The following TNFRSF19 variants were observed in gnomAD, a reference collection of about 807,000 sequenced individuals.
TNFRSF19 encodes tumor necrosis factor receptor superfamily member 19.
A neutral mutation model predicts 46.4 loss-of-function variants in TNFRSF19; 27 were observed. The observed-to-expected ratio is 0.58, with a 90% CI of 0.43 to 0.80. The LOEUF is 0.80. Ranked by LOEUF, TNFRSF19 falls within the 30% of genes least tolerant of loss-of-function variation. TNFRSF19 has a pLI of 0.00. For missense variants in TNFRSF19, 511 were observed against 530.8 expected (o/e 0.96, Z 0.37); for synonymous variants, 204 against 205.0 (o/e 1.00, Z 0.04).
At chr13:23,643,996 T>C (rs1237617797) in intron 5 of TNFRSF19, among the ~76,000 whole-genome samples, 1 of 152,214 alleles carries the variant, frequency 6.6e-6, no homozygotes, top group Admixed American at 6.5e-5. Context: ...AATGAAAGCA[T>C]AGTTATGAAT....
Position 23,626,698 on chromosome 13 carries a change from C to A in TNFRSF19, c.360-9C>A. 1 of 1,613,690 alleles carries A rather than the reference C, an allele frequency of 6.2e-7. No individual in the cohort carries two copies. Among genetic ancestry groups the A allele is most frequent in the Non-Finnish European group, 8.5e-7 (1 of 1,179,744 alleles). ...GAGTTAACAAGGAGTATTTTCCTTT[C>A]TCTTCTAGATTTTATAGGAAGACGA... On this transcript the variant is annotated splice_polypyrimidine_tract_variant and intron_variant, in intron 4 of 9. Transcript: ENST00000248484.
intron 4 of TNFRSF19, among the ~76,000 whole-genome samples, chr13:23,616,437 A>G (rs1430339519): frequency 2.0e-5 from 3 of 152,218 alleles, no homozygotes; most frequent in Admixed American, 6.5e-5. Context: ...AGGGCAGGTT[A>G]CACCATTCAG....
intron 3 of TNFRSF19, among the ~76,000 whole-genome samples, chr13:23,608,123 A>G (rs1247253942): frequency 3.9e-5 from 6 of 152,156 alleles, no homozygotes; most frequent in Admixed American, 1.3e-4. Flanking sequence ...CTTCCTTTCA[A>G]TTATTAGGTA....
intron 1 of TNFRSF19, among the ~76,000 whole-genome samples, chr13:23,571,911 C>A (rs1467699017): frequency 6.6e-6 from 1 of 151,284 alleles, no homozygotes; most frequent in Admixed American, 6.6e-5. Flanking sequence ...TTTATCTGGG[C>A]AAAATATTTA....
chr13:23,609,627 C>T (rs1306605089), intron 3 of TNFRSF19, among the ~76,000 whole-genome samples: 1 of 152,162 alleles, frequency 6.6e-6, no homozygotes, highest in Non-Finnish European at 1.5e-5. Flanking sequence ...ACTTTTCTAA[C>T]CAATTATTGG....
intron 3 of TNFRSF19, among the ~76,000 whole-genome samples, chr13:23,614,037 TA>T (rs1208198718): frequency 6.6e-6 from 1 of 152,244 alleles, no homozygotes; most frequent in Non-Finnish European, 1.5e-5. Flanking sequence ...TAATCCCTGT[TA>T]ACAATTTTAA....
At chr13:23,637,811 G>A (rs967102211) in intron 5 of TNFRSF19, among the ~76,000 whole-genome samples, 2 of 152,366 alleles carry the variant, frequency 1.3e-5, no homozygotes, top group South Asian at 2.1e-4. Context: ...ATCAGGGTCC[G>A]CAGGCTAACA....
intron 5 of TNFRSF19, among the ~76,000 whole-genome samples, chr13:23,640,622 T>C (rs553704272): frequency 4.6e-5 from 7 of 152,362 alleles, no homozygotes; most frequent in Middle Eastern, 3.4e-3. Context: ...GGCCTTTGTC[T>C]TTCCATGTTG....
chr13:23,577,538 C>T (rs1173384570), intron 1 of TNFRSF19, among the ~76,000 whole-genome samples: 1 of 152,152 alleles, frequency 6.6e-6, no homozygotes, highest in East Asian at 1.9e-4. Context: ...TCTTATGATA[C>T]AGGACACAAT....
intron 5 of TNFRSF19, among the ~76,000 whole-genome samples, chr13:23,639,725 C>T (rs892790035): frequency 3.9e-5 from 6 of 152,176 alleles, no homozygotes; most frequent in Admixed American, 1.3e-4. Flanking sequence ...CTGACCCGGC[C>T]CTGGAGGGAG....
intron 1 of TNFRSF19, among the ~76,000 whole-genome samples, chr13:23,580,630 T>G (rs1878344350): frequency 6.6e-6 from 1 of 152,250 alleles, no homozygotes; most frequent in African/African-American, 2.4e-5. Flanking sequence ...CAGGCAGTGC[T>G]TATTATCTAA....
intron 5 of TNFRSF19, among the ~76,000 whole-genome samples, chr13:23,628,120 A>G (rs1182474852): frequency 6.6e-6 from 1 of 152,198 alleles, no homozygotes; most frequent in Non-Finnish European, 1.5e-5. Context: ...CAATGAGAAC[A>G]CTAGTCCAGA....
At chr13:23,582,832 G>C (rs1179642955) in intron 1 of TNFRSF19, among the ~76,000 whole-genome samples, 2 of 152,152 alleles carry the variant, frequency 1.3e-5, no homozygotes, top group East Asian at 3.9e-4. Context: ...CTGGGAGGAG[G>C]GGTCTGGCTT....
intron 1 of TNFRSF19, chr13:23,585,362 G>A (rs912458173): frequency 9.2e-5 from 14 of 152,076 alleles, no homozygotes; most frequent in Admixed American, 2.6e-4. Context: ...ATATGTTTTC[G>A]TCATTTACAC....
chr13:23,575,261 G>C (rs1877879625), intron 1 of TNFRSF19, among the ~76,000 whole-genome samples: 1 of 152,230 alleles, frequency 6.6e-6, no homozygotes, highest in Non-Finnish European at 1.5e-5. Context: ...ACAAAGATCA[G>C]TGCAAGTGCT....
At chr13:23,596,550 A>C (rs1215468455) in intron 3 of TNFRSF19, among the ~76,000 whole-genome samples, 1 of 152,180 alleles carries the variant, frequency 6.6e-6, no homozygotes, top group African/African-American at 2.4e-5. Context: ...GGAAGGGCTA[A>C]CTATCCTAAA....
intron 3 of TNFRSF19, among the ~76,000 whole-genome samples, chr13:23,595,176 A>T (rs1367329841): frequency 6.6e-6 from 1 of 152,244 alleles, no homozygotes; most frequent in African/African-American, 2.4e-5. Context: ...AAGGCTGAAA[A>T]TTCCAAAAAC....
At chr13:23,669,350 A>G in intron 9 of TNFRSF19, 2 of 1,271,182 alleles carry the variant, frequency 1.6e-6, no homozygotes, top group Non-Finnish European at 2.0e-6. Flanking sequence ...CACTTAGCAC[A>G]GCACCTGCTG....
chr13:23,584,920 C>A lies in TNFRSF19; in HGVS notation c.-34-5230C>A, dbSNP rs2138160943. Reference sequence around the variant, plus strand: ...GATTGAAAGCTAAGATACAGAATAGCTAGAAGCCGGGGGTTATTGTTTTGT... The same window carrying A: ...GATTGAAAGCTAAGATACAGAATAGATAGAAGCCGGGGGTTATTGTTTTGT... On this transcript the variant is annotated intron_variant, in intron 1 of 9. Coordinates refer to ENST00000248484, the MANE Select transcript of TNFRSF19 (RefSeq NM_148957.4). Among the ~76,000 whole-genome samples the A allele has an allele frequency of 2.0e-5, 3 of 152,246 alleles. No individual in the cohort carries two copies. In the Middle Eastern group the frequency reaches 0.01, roughly 518 times the overall value.
Sources: gnomAD v4.1 joint callset for allele counts (sites outside exome capture counted in the v4.1 genomes callset) on GRCh38, gnomAD v4.1.1 for gene constraint, MANE v1.5 for transcripts, NCBI Gene and HGNC (gene_info 2026-07-23, HGNC 2026-07-21) for gene names.